Variants in CASTOR2 observed in about 807,000 individuals in gnomAD.
CASTOR2 encodes the protein cytosolic arginine sensor for mTORC1 subunit 2, also known as GATS protein like 2.
CASTOR2 carries 8 observed loss-of-function variants against 31.2 expected under a neutral mutation model. The ratio of observed to expected loss-of-function variants is 0.26; its 90% CI spans 0.15 to 0.46. CASTOR2 has a LOEUF of 0.46. Among genes scored for constraint, CASTOR2 ranks in the 20% least tolerant of loss-of-function variants. The probability of loss-of-function intolerance (pLI) is 0.99; values close to 1 mark genes in which losing one functional copy is unlikely to be tolerated. For missense variants in CASTOR2, 216 were observed against 382.1 expected (o/e 0.57, Z 3.62); for synonymous variants, 162 against 158.7 (o/e 1.02, Z -0.16).
intron 1 of CASTOR2, among the ~76,000 whole-genome samples, chr7:74,984,874 G>A (rs1804027075): frequency 6.6e-6 from 1 of 152,162 alleles, no homozygotes; most frequent in Non-Finnish European, 1.5e-5. Context: ...GCTCACACCT[G>A]TAATCCCAGC....
intron 1 of CASTOR2, among the ~76,000 whole-genome samples, chr7:74,977,997 C>G (rs1234745240): frequency 2.7e-5 from 4 of 150,332 alleles, no homozygotes; most frequent in East Asian, 3.9e-4. Flanking sequence ...AAACTGGTGT[C>G]TAGGTGCCAT....
In CASTOR2 at chr7:75,030,484, A is replaced by G. The variant is rs1210006972; in HGVS notation, c.*5785A>G. ...GTCAGAACTACTCTGGAGGGGGGCA[A>G]AGGTGTCAGGAACAGTTTGAGCAGT... is the stretch of plus-strand genomic sequence containing the variant. On this transcript the variant is annotated 3_prime_UTR_variant, in exon 9 of 9. Coordinates refer to ENST00000616305, the MANE Select transcript of CASTOR2 (RefSeq NM_001145064.3). Among the ~76,000 whole-genome samples, 2 of 152,126 alleles carry G rather than the reference A, an allele frequency of 1.3e-5. No individual in the cohort carries two copies. Among genetic ancestry groups the G allele is most frequent in the African/African-American group, 2.4e-5 (1 of 41,432 alleles).
intron 1 of CASTOR2, among the ~76,000 whole-genome samples, chr7:74,975,194 C>T (rs1432052782): frequency 6.6e-6 from 1 of 151,368 alleles, no homozygotes; most frequent in East Asian, 2.0e-4. Flanking sequence ...TCTTGAACTC[C>T]TGACCTCAAG....
chr7:74,995,809 GAAA>G (rs1187160895), intron 1 of CASTOR2, among the ~76,000 whole-genome samples: 1 of 131,050 alleles, frequency 7.6e-6, no homozygotes. Flanking sequence ...CTCCATCTCA[GAAA>G]AAAAAAAAAA....
rs1805261715 is a variant in CASTOR2, at chr7:75,030,183, G to T, written c.*5484G>T. 6.6e-6 allele frequency among the ~76,000 whole-genome samples: 1 copy of T among 152,204 alleles called. No homozygotes were observed. Among genetic ancestry groups the T allele is most frequent in the South Asian group, 2.1e-4 (1 of 4,830 alleles). On this transcript the variant is annotated 3_prime_UTR_variant, in exon 9 of 9. Transcript: ENST00000616305. ...GCAGGGTGGCCTGTGTGCTAGGAGT[G>T]GGGGTGCAGGCCTAGGTGTGTTTAT...
Position 75,018,997 on chromosome 7 carries a change from G to T in CASTOR2, c.537G>T (p.Leu179=). 1 of 1,552,000 alleles carries T rather than the reference G, an allele frequency of 6.4e-7. No individual in the cohort carries two copies. The highest frequency in any genetic ancestry group is 8.7e-7 in the Non-Finnish European group (1 of 1,147,072). Reference sequence around the variant, plus strand: ...TCCAGAGGCCAGTCATCCACCCACTGTCCAGCCCGAGCAACAGGTTCTGTG... The same window carrying T: ...TCCAGAGGCCAGTCATCCACCCACTTTCCAGCCCGAGCAACAGGTTCTGTG... The part of the protein sequence containing the change: ...KLVQRPVIHP[L]SSPSNRFCVT... The change falls in exon 5 of 9, where the codon CTG becomes CTT. Residue 179 remains leucine (L), a synonymous_variant. Transcript: ENST00000616305.
chr7:74,996,667 A>G (rs1430123321), intron 1 of CASTOR2, among the ~76,000 whole-genome samples: 10 of 139,684 alleles, frequency 7.2e-5, no homozygotes, highest in Non-Finnish European at 1.2e-4. Context: ...AAAACCAGAA[A>G]TGGATGCATG....
intron 2 of CASTOR2, among the ~76,000 whole-genome samples, chr7:75,016,245 T>C (rs1363133738): frequency 6.6e-6 from 1 of 152,184 alleles, no homozygotes; most frequent in East Asian, 1.9e-4. Context: ...ACACATAGTG[T>C]GTGCCTGTGT....
At chr7:74,987,298 G>C (rs1308740552) in intron 1 of CASTOR2, among the ~76,000 whole-genome samples, 1 of 151,934 alleles carries the variant, frequency 6.6e-6, no homozygotes, top group Non-Finnish European at 1.5e-5. Flanking sequence ...TCAGCTACTC[G>C]GGAGGCTGAG....
chr7:75,011,958 C>T (rs2131948827), intron 2 of CASTOR2, among the ~76,000 whole-genome samples: 1 of 151,096 alleles, frequency 6.6e-6, no homozygotes, highest in South Asian at 2.1e-4. Flanking sequence ...CAGAGTGAGA[C>T]TCCGTCTTAA....
At position 75,026,189 on chromosome 7, in the gene CASTOR2, G is replaced by GTTTTTTGTTTTTTT. The variant is rs1563066351; in HGVS notation, c.*1496_*1497insGTTTTTTTTTTTTT. The stretch of plus-strand genomic sequence containing the variant: ...CCCTGTGGTTTTGGCTCTGGCGGGG[G>GTTTTTTGTTTTTTT]TTTTTTTTTTTTTTTTTGAGATGGG... On this transcript the variant is annotated 3_prime_UTR_variant, in exon 9 of 9. Transcript: ENST00000616305. 1.7e-5 allele frequency among the ~76,000 whole-genome samples: 2 copies of GTTTTTTGTTTTTTT among 117,712 alleles called. No individual in the cohort carries two copies. The highest frequency in any genetic ancestry group is 3.5e-5 in the Non-Finnish European group (2 of 56,712). 77.2% of individuals were successfully genotyped at this position (117,712 alleles called of 152,430 possible). A position where few individuals can be genotyped will look rare whatever the true frequency, so the allele number is the denominator to read the frequency against.
intron 1 of CASTOR2, among the ~76,000 whole-genome samples, chr7:74,984,482 G>A (rs1804018302): frequency 1.3e-5 from 2 of 152,160 alleles, no homozygotes; most frequent in Non-Finnish European, 2.9e-5. Context: ...GGTTGCCTGG[G>A]AGAGTTGAAA....
At chr7:75,018,914 A>C (rs1804929760) in intron 4 of CASTOR2, 58 bp from the exon 5 acceptor site, 10 of 1,551,480 alleles carry the variant, frequency 6.4e-6, no homozygotes, top group Non-Finnish European at 8.7e-7. Flanking sequence ...CCCTGCACCC[A>C]CCAGAGCTGC....
At chr7:75,013,853 G>C (rs1584475061) in intron 2 of CASTOR2, among the ~76,000 whole-genome samples, 1 of 151,974 alleles carries the variant, frequency 6.6e-6, no homozygotes, top group African/African-American at 2.4e-5. Flanking sequence ...TCAGCCTCCT[G>C]AGTTGCTGGG....
intron 5 of CASTOR2, among the ~76,000 whole-genome samples, chr7:75,019,832 G>A (rs953183465): frequency 2.0e-4 from 31 of 152,180 alleles, no homozygotes; most frequent in African/African-American, 6.3e-4. Flanking sequence ...GAGGCCGGCC[G>A]GGCCTCCAGT....
intron 1 of CASTOR2, among the ~76,000 whole-genome samples, chr7:75,001,672 C>A (rs1804498608): frequency 6.6e-6 from 1 of 152,230 alleles, no homozygotes; most frequent in South Asian, 2.1e-4. Flanking sequence ...TGGCCACAGT[C>A]CATCCTTTCG....
At chr7:74,990,966 C>T (rs1327898939) in intron 1 of CASTOR2, among the ~76,000 whole-genome samples, 1 of 151,614 alleles carries the variant, frequency 6.6e-6, no homozygotes, top group Non-Finnish European at 1.5e-5. Context: ...CCTGTAGTCC[C>T]AGCTACTCGG....
intron 2 of CASTOR2, among the ~76,000 whole-genome samples, chr7:75,015,296 G>T (rs1343522430): frequency 6.6e-6 from 1 of 152,240 alleles, no homozygotes; most frequent in African/African-American, 2.4e-5. Flanking sequence ...TTGAGACAGG[G>T]TCTGGCTGTG....
Position 75,024,696 on chromosome 7 carries a change from C to G in CASTOR2, c.987C>G (p.His329Gln), listed in dbSNP as rs1805080025. 1.3e-6 allele frequency: 2 copies of G among 1,551,520 alleles called. No individual in the cohort carries two copies. The highest frequency in any genetic ancestry group is 1.7e-6 in the Non-Finnish European group (2 of 1,146,864). ...TGAAGGTCAGCCAAGCAGAGAAGCA[C>G]TAGAAGGGTCTCTTCTGCTCCTCCC... ...SALKVSQAEK[H>Q] Residue 329 changes from histidine to glutamine, a missense_variant, in exon 9 of 9, where the codon CAC becomes CAG. Around this residue, in one of 5 missense-constraint regions of CASTOR2, gnomAD observed 31 missense variants for 32.7 expected, o/e 0.95. Coordinates refer to ENST00000616305, the MANE Select transcript of CASTOR2 (RefSeq NM_001145064.3).
Sources: gnomAD v4.1 joint callset for allele counts (sites outside exome capture counted in the v4.1 genomes callset) on GRCh38, gnomAD v4.1.1 for gene constraint, gnomAD v4.1.1 regional missense constraint, MANE v1.5 for transcripts, NCBI Gene and HGNC (gene_info 2026-07-23, HGNC 2026-07-21) for gene names.